NKAIN3: variants seen among roughly 807,000 people sequenced by gnomAD.
NKAIN3 encodes the protein sodium/potassium-transporting ATPase subunit beta-1-interacting protein 3.
Under a neutral mutation model 30.2 loss-of-function variants are expected in NKAIN3, and 25 were observed. The observed-to-expected ratio is 0.83, with a 90% CI of 0.60 to 1.16. The LOEUF (loss-of-function observed/expected upper bound fraction) is 1.16. Among genes scored for constraint, NKAIN3 ranks in the 50% most tolerant of loss-of-function variants. The probability of loss-of-function intolerance (pLI) is 0.00; values close to 1 mark genes in which losing one functional copy is unlikely to be tolerated. For synonymous variants in NKAIN3, 91 were observed against 89.6 expected (o/e 1.02, Z -0.09); for missense variants, 225 against 254.1 (o/e 0.89, Z 0.78).
intron 1 of NKAIN3, among the ~76,000 whole-genome samples, chr8:62,407,801 G>A (rs144216333): frequency 1.2e-3 from 181 of 152,312 alleles, no homozygotes; most frequent in African/African-American, 4.0e-3. Context: ...GGATGATGAC[G>A]TGGGAGGATG....
intron 1 of NKAIN3, among the ~76,000 whole-genome samples, chr8:62,553,777 A>G (rs764467028): frequency 2.0e-5 from 3 of 152,086 alleles, no homozygotes; most frequent in Non-Finnish European, 4.4e-5. Flanking sequence ...ACCTCAAGTG[A>G]TCTGCTCGCC....
At chr8:62,511,609 G>A (rs980438825) in intron 1 of NKAIN3, among the ~76,000 whole-genome samples, 5 of 152,130 alleles carry the variant, frequency 3.3e-5, no homozygotes, top group East Asian at 1.9e-4. Context: ...ATACAGAGCC[G>A]TACAAGGGGC....
chr8:62,770,906 T>A (rs1307639930), intron 4 of NKAIN3, among the ~76,000 whole-genome samples: 19 of 146,188 alleles, frequency 1.3e-4, no homozygotes, highest in African/African-American at 4.9e-4. Flanking sequence ...GGGCGGGGGG[T>A]GGAGGGAATG....
At chr8:62,649,526 A>G (rs921122187) in intron 3 of NKAIN3, among the ~76,000 whole-genome samples, 1 of 152,072 alleles carries the variant, frequency 6.6e-6, no homozygotes, top group African/African-American at 2.4e-5. Context: ...TGTCATTTGT[A>G]CCCGAAAGAT....
intron 1 of NKAIN3, among the ~76,000 whole-genome samples, chr8:62,251,389 G>A (rs1160495169): frequency 6.6e-6 from 1 of 151,946 alleles, no homozygotes; most frequent in Non-Finnish European, 1.5e-5. Context: ...ATATGTAATA[G>A]TCTTTAGTGT....
At chr8:62,965,030 T>C (rs1823669260) in intron 6 of NKAIN3, among the ~76,000 whole-genome samples, 1 of 152,084 alleles carries the variant, frequency 6.6e-6, no homozygotes, top group Admixed American at 6.5e-5. Flanking sequence ...TGTGAATATC[T>C]CATAGTTTGC....
intron 3 of NKAIN3, among the ~76,000 whole-genome samples, chr8:62,615,854 G>A (rs1811436072): frequency 6.6e-6 from 1 of 152,066 alleles, no homozygotes; most frequent in Non-Finnish European, 1.5e-5. Flanking sequence ...ATAGGGAAAG[G>A]GTGGCATCTG....
intron 1 of NKAIN3, among the ~76,000 whole-genome samples, chr8:62,339,963 T>G (rs549246024): frequency 2.6e-5 from 4 of 152,072 alleles, no homozygotes; most frequent in African/African-American, 9.6e-5. Context: ...CAAGGACAAG[T>G]AGGGATTTAT....
intron 1 of NKAIN3, among the ~76,000 whole-genome samples, chr8:62,261,872 C>A (rs192528552): frequency 2.0e-5 from 3 of 152,234 alleles, no homozygotes; most frequent in Admixed American, 2.0e-4. Context: ...TTAATATATT[C>A]TCTTTCACAG....
At chr8:62,375,182 C>G (rs1202897801) in intron 1 of NKAIN3, among the ~76,000 whole-genome samples, 2 of 152,170 alleles carry the variant, frequency 1.3e-5, no homozygotes, top group African/African-American at 2.4e-5. Flanking sequence ...ATAAGCATGC[C>G]ATTTAAACTC....
At chr8:62,519,378 T>C (rs2129777219) in intron 1 of NKAIN3, among the ~76,000 whole-genome samples, 1 of 152,268 alleles carries the variant, frequency 6.6e-6, no homozygotes, top group South Asian at 2.1e-4. Flanking sequence ...AATGGTGCTG[T>C]CATTAGTAAA....
chr8:62,888,244 T>C (rs1465596040), intron 4 of NKAIN3, among the ~76,000 whole-genome samples: 1 of 152,206 alleles, frequency 6.6e-6, no homozygotes, highest in Non-Finnish European at 1.5e-5. Flanking sequence ...AAAGTTTCTC[T>C]TGAGAGCAGG....
chr8:62,382,214 T>G (rs192670589), intron 1 of NKAIN3, among the ~76,000 whole-genome samples: 10 of 152,330 alleles, frequency 6.6e-5, no homozygotes, highest in Admixed American at 5.9e-4. Flanking sequence ...TACAATTATT[T>G]TGTATACAGT....
intron 1 of NKAIN3, among the ~76,000 whole-genome samples, chr8:62,484,052 T>C (rs1270952525): frequency 3.3e-5 from 5 of 152,202 alleles, no homozygotes; most frequent in Non-Finnish European, 7.3e-5. Context: ...CTTCAGCAGA[T>C]ACACAAGTCG....
intron 1 of NKAIN3, among the ~76,000 whole-genome samples, chr8:62,385,035 A>T (rs984003278): frequency 1.2e-4 from 18 of 152,120 alleles, no homozygotes; most frequent in African/African-American, 4.3e-4. Context: ...GGGACCCTCC[A>T]TTTGTTGAAA....
intron 1 of NKAIN3, among the ~76,000 whole-genome samples, chr8:62,345,840 ATGTG>A (rs1815987758): frequency 6.6e-6 from 1 of 151,638 alleles, no homozygotes; most frequent in Non-Finnish European, 1.5e-5. Flanking sequence ...GTGTGTGTGT[ATGTG>A]TGTATGTTTT....
chr8:62,729,324 C>G (rs976098086), intron 3 of NKAIN3, among the ~76,000 whole-genome samples: 57 of 152,174 alleles, frequency 3.7e-4, no homozygotes, highest in Middle Eastern at 3.4e-3. Flanking sequence ...AACGTGATGC[C>G]ACTACATACC....
In NKAIN3 at chr8:62,829,487, C is replaced by T. The variant is rs529459532; in HGVS notation, c.471+82358C>T. 3.9e-5 allele frequency among the ~76,000 whole-genome samples: 6 copies of T among 152,200 alleles called. No homozygotes were observed. In the South Asian group the frequency reaches 1.2e-3, roughly 32 times the overall value. ...CCGTAAGCAAACCAGGTAGAGAGGTCCCTGAAGTGGGCTTGTTCTACAAGA... is the reference window on the plus strand; with the variant it reads ...CCGTAAGCAAACCAGGTAGAGAGGTTCCTGAAGTGGGCTTGTTCTACAAGA... On this transcript the variant is annotated intron_variant, in intron 4 of 6. Coordinates refer to ENST00000623646, the MANE Select transcript of NKAIN3 (RefSeq NM_001304533.3).
At chr8:62,907,613 C>T (rs1046108254) in intron 4 of NKAIN3, among the ~76,000 whole-genome samples, 8 of 152,164 alleles carry the variant, frequency 5.3e-5, no homozygotes, top group African/African-American at 1.9e-4. Flanking sequence ...GACTTGGTGC[C>T]CTGCATCCCA....
Sources: gnomAD v4.1 joint callset for allele counts (sites outside exome capture counted in the v4.1 genomes callset) on GRCh38, gnomAD v4.1.1 for gene constraint, MANE v1.5 for transcripts, NCBI Gene and HGNC (gene_info 2026-07-23, HGNC 2026-07-21) for gene names.